The following RIPOR2 variants were observed in gnomAD, a reference collection of about 807,000 sequenced individuals.
RIPOR2 encodes the protein rho family-interacting cell polarization regulator 2.
Under a neutral mutation model 114.5 loss-of-function variants are expected in RIPOR2, and 39 were observed. The observed-to-expected ratio is 0.34, with a 90% CI of 0.26 to 0.44. RIPOR2 has a LOEUF of 0.44. Ranked by LOEUF, RIPOR2 falls within the 20% of genes least tolerant of loss-of-function variation. RIPOR2 has a pLI of 1.00. For synonymous variants in RIPOR2, 445 were observed against 484.4 expected, an observed-to-expected ratio of 0.92 and a Z score of 1.07; for missense variants, 1,007 against 1,255.1, an observed-to-expected ratio of 0.80 and a Z score of 2.99.
At chr6:24,990,756 T>C (rs1301975966) in intron 1 of RIPOR2, among the ~76,000 whole-genome samples, 1 of 152,150 alleles carries the variant, frequency 6.6e-6, no homozygotes, top group African/African-American at 2.4e-5. Context: ...AGGTGTTAAG[T>C]AAAGTACTTA....
intron 1 of RIPOR2, among the ~76,000 whole-genome samples, chr6:24,887,292 C>T (rs1175294430): frequency 6.6e-6 from 1 of 152,102 alleles, no homozygotes; most frequent in Non-Finnish European, 1.5e-5. Context: ...TTCTCTGATG[C>T]TCGGTACAGG....
chr6:24,901,494 T>C (rs1303011304), intron 1 of RIPOR2, among the ~76,000 whole-genome samples: 1 of 152,216 alleles, frequency 6.6e-6, no homozygotes. Flanking sequence ...TTCTATCCTA[T>C]TTTAGGCCAA....
rs777852365 is a variant in RIPOR2, at chr6:24,976,803, C to A, written c.76+65048G>T. 3.1e-6 allele frequency: 5 copies of A among 1,611,344 alleles called. No homozygotes were observed. The Admixed American group carries it at 6.7e-5, about 21-fold the overall frequency. ...TCCATGGCAAATGCTGGACCCAACA[C>A]AAATGGTTCCCAGTTTTTCATCTGC... is the stretch of plus-strand genomic sequence containing the variant. On this transcript the variant is annotated intron_variant, in intron 1 of 13. Coordinates refer to the RIPOR2 transcript ENST00000510784.
chr6:24,819,367 T>C (rs1212048749), intron 19 of RIPOR2, among the ~76,000 whole-genome samples: 1 of 151,994 alleles, frequency 6.6e-6, no homozygotes, highest in Non-Finnish European at 1.5e-5. Flanking sequence ...GGAAGTTGAT[T>C]GAAAAAAAGG....
intron 1 of RIPOR2, chr6:24,877,276 C>T (rs1202460367): frequency 1.0e-6 from 1 of 985,380 alleles, no homozygotes; most frequent in Non-Finnish European, 1.2e-6. Flanking sequence ...AGCCTCCTCC[C>T]CCATGTTGCT....
At chr6:25,011,289 G>A (rs898703587) in intron 1 of RIPOR2, among the ~76,000 whole-genome samples, 1 of 152,146 alleles carries the variant, frequency 6.6e-6, no homozygotes, top group Non-Finnish European at 1.5e-5. Flanking sequence ...GTGTGTGCAT[G>A]TATATAATGT....
chr6:24,934,893 C>T (rs994959868), intron 1 of RIPOR2, among the ~76,000 whole-genome samples: 4 of 152,102 alleles, frequency 2.6e-5, no homozygotes, highest in African/African-American at 7.2e-5. Flanking sequence ...GAACAGAAAA[C>T]TGAGCAGTGC....
In RIPOR2 at chr6:24,869,198, C is replaced by T. The variant is rs1172592171; in HGVS notation, c.448-51G>A. On this transcript the variant is annotated intron_variant, in intron 5 of 21. Coordinates refer to ENST00000643898, the MANE Select transcript of RIPOR2 (RefSeq NM_001286445.3). ...GTACAGTCATTTATAGTTCAATTGA[C>T]TTAGGCTTGTGAGAATATCTTGATT... 7 of 905,430 alleles carry T rather than the reference C, an allele frequency of 7.7e-6. No homozygotes were observed. The African/African-American group carries it at 1.2e-4, about 15-fold the overall frequency. The allele number at this position is 905,430 out of a possible 1,614,324, so 56.1% of individuals were successfully genotyped here. A position where few individuals can be genotyped will look rare whatever the true frequency, so the allele number is the denominator to read the frequency against.
At chr6:25,005,738 T>TATATACATATACATAC (rs34572978) in intron 1 of RIPOR2, among the ~76,000 whole-genome samples, 1 of 70,700 alleles carries the variant, frequency 1.4e-5, no homozygotes, top group Non-Finnish European at 3.3e-5. Context: ...TATATATATA[T>TATATACATATACATAC]ATACATTTAC....
chr6:24,847,767 C>CGGTGGATCCCAAGTGGTT, intron 12 of RIPOR2: 1 of 1,408,482 alleles, frequency 7.1e-7, no homozygotes, highest in Non-Finnish European at 9.6e-7. Context: ...TTTTAGCAAG[C>CGGTGGATCCCAAGTGGTT]ATTTTTGATT....
intron 1 of RIPOR2, among the ~76,000 whole-genome samples, chr6:25,004,886 A>T (rs942647054): frequency 1.3e-5 from 2 of 151,912 alleles, no homozygotes; most frequent in African/African-American, 4.8e-5. Context: ...AAGGTACTTT[A>T]GTATTCTCAC....
rs1242570575 is a variant in RIPOR2, at chr6:24,858,240, C to A, written c.715+2733G>T. Among the ~76,000 whole-genome samples, 5 of 152,196 alleles carry A rather than the reference C, an allele frequency of 3.3e-5. No homozygotes were observed. Among genetic ancestry groups the A allele is most frequent in the Admixed American group, 1.3e-4 (2 of 15,272 alleles). ...GAACTCAAGGCCAGGGAGCAGTCAT[C>A]AGAATGCAGTCAAGTGCCTGGCCAA... On this transcript the variant is annotated intron_variant, in intron 8 of 21. Coordinates refer to ENST00000643898, the MANE Select transcript of RIPOR2 (RefSeq NM_001286445.3). This position sits in a 1 kb window ranked among gnomAD's most constrained non-coding sequence, Gnocchi z 4.0.
In RIPOR2 at chr6:24,855,129, C is replaced by T. The variant is rs545845303; in HGVS notation, c.716-2511G>A. 2.6e-5 allele frequency among the ~76,000 whole-genome samples: 4 copies of T among 151,166 alleles called. No homozygotes were observed. The South Asian group carries it at 8.4e-4, about 32-fold the overall frequency. On this transcript the variant is annotated intron_variant, in intron 8 of 21. Coordinates refer to ENST00000643898, the MANE Select transcript of RIPOR2 (RefSeq NM_001286445.3). ...GGGAAAAAAGTCTAGAAAACCATAC[C>T]AAACTGTTAAAAATAATTATCTCTG...
At chr6:24,922,569 G>T (rs1293934498) in intron 1 of RIPOR2, among the ~76,000 whole-genome samples, 1 of 151,872 alleles carries the variant, frequency 6.6e-6, no homozygotes, top group African/African-American at 2.4e-5. Context: ...TAAAAAAAAT[G>T]TGGTAAGGGG....
intron 1 of RIPOR2, among the ~76,000 whole-genome samples, chr6:24,964,544 G>A (rs1055393433): frequency 6.6e-6 from 1 of 152,132 alleles, no homozygotes; most frequent in Non-Finnish European, 1.5e-5. Context: ...TTCCCCTACT[G>A]GGAGACATTT....
At chr6:24,998,281 G>T (rs1775137208) in intron 1 of RIPOR2, among the ~76,000 whole-genome samples, 1 of 152,096 alleles carries the variant, frequency 6.6e-6, no homozygotes, top group Admixed American at 6.5e-5. Context: ...TCAACAAAAT[G>T]ATCACTTGCA....
In RIPOR2 at chr6:24,850,097, CTTTTTTTT is replaced by C. The variant is rs5875008; in HGVS notation, c.886-155_886-148del. 1,545 of 437,186 alleles carry C rather than the reference CTTTTTTTT, an allele frequency of 3.5e-3. 17 individuals carry two copies. Among genetic ancestry groups the C allele is most frequent in the African/African-American group, 0.024 (1,042 of 43,434 alleles). 27.1% of individuals were successfully genotyped at this position (437,186 alleles called of 1,614,324 possible). A position where few individuals can be genotyped will look rare whatever the true frequency, so the allele number is the denominator to read the frequency against. On this transcript the variant is annotated intron_variant, in intron 10 of 21. Transcript: ENST00000643898. ...GAAGCGGATTTTCATTTTTCTTTTTCTTTTTTTTTTTTTTTTGGAGACAGGGTCTCTCT... is the reference window on the plus strand; with the variant it reads ...GAAGCGGATTTTCATTTTTCTTTTTCTTTTTTTTGGAGACAGGGTCTCTCT...
intron 1 of RIPOR2, among the ~76,000 whole-genome samples, chr6:24,984,037 A>G (rs1361520789): frequency 6.6e-6 from 1 of 152,228 alleles, no homozygotes; most frequent in Admixed American, 6.5e-5. Flanking sequence ...AAGAAGCTAC[A>G]TGTGGACAAT....
At chr6:25,028,961 G>C (rs979688220) in intron 1 of RIPOR2, among the ~76,000 whole-genome samples, 7 of 152,172 alleles carry the variant, frequency 4.6e-5, no homozygotes, top group African/African-American at 1.7e-4. Context: ...AGTACAACTG[G>C]AGGCAGCAGA....
Sources: allele counts gnomAD v4.1 joint callset (sites outside exome capture counted in the v4.1 genomes callset), GRCh38; gene constraint gnomAD v4.1.1; non-coding constraint Gnocchi (gnomAD v3.1); transcripts MANE v1.5; gene names NCBI Gene and HGNC (gene_info 2026-07-23, HGNC 2026-07-21).